PSD3: variants seen among roughly 807,000 people sequenced by gnomAD.
The protein encoded by PSD3 is pleckstrin and Sec7 domain containing 3.
PSD3 carries 49 observed loss-of-function variants against 105.5 expected under a neutral mutation model. That is an observed-to-expected ratio of 0.46 (90% confidence interval 0.37 to 0.59). The LOEUF (loss-of-function observed/expected upper bound fraction) is 0.59. Ranked by LOEUF, PSD3 falls within the 20% of genes least tolerant of loss-of-function variation. PSD3 has a pLI of 0.00. For missense variants in PSD3, 1,561 were observed against 1,263.8 expected (o/e 1.24, Z -3.57); for synonymous variants, 557 against 457.8 (o/e 1.22, Z -2.77).
chr8:18,770,796 T>C (rs1223560137), intron 8 of PSD3, among the ~76,000 whole-genome samples: 1 of 152,236 alleles, frequency 6.6e-6, no homozygotes, highest in Non-Finnish European at 1.5e-5. Context: ...ATGGCTGCCT[T>C]CTGCCAGCAA....
chr8:18,991,695 C>A (rs908375952), intron 1 of PSD3, among the ~76,000 whole-genome samples: 1 of 152,082 alleles, frequency 6.6e-6, no homozygotes. Context: ...AATGTCAGGA[C>A]CTTTAGACAA....
At chr8:18,800,401 G>A (rs376805254) in intron 7 of PSD3, among the ~76,000 whole-genome samples, 11 of 152,292 alleles carry the variant, frequency 7.2e-5, no homozygotes, top group African/African-American at 2.6e-4. Flanking sequence ...GGGAGGTTGA[G>A]GCAAGCACCT....
At chr8:18,708,235 A>T (rs1802018773) in intron 9 of PSD3, among the ~76,000 whole-genome samples, 1 of 152,194 alleles carries the variant, frequency 6.6e-6, no homozygotes, top group African/African-American at 2.4e-5. Context: ...TAAAGACAAC[A>T]GAAAAACCTT....
At chr8:18,575,476 G>C (rs938899938) in intron 12 of PSD3, among the ~76,000 whole-genome samples, 191 bp from the exon 13 acceptor site, 4 of 152,112 alleles carry the variant, frequency 2.6e-5, no homozygotes, top group Non-Finnish European at 5.9e-5. Flanking sequence ...AATTTGCTGA[G>C]AATGAGAAAA....
At chr8:18,824,919 A>C (rs77504810) in intron 4 of PSD3, among the ~76,000 whole-genome samples, 2 of 152,080 alleles carry the variant, frequency 1.3e-5, no homozygotes, top group South Asian at 2.1e-4. Flanking sequence ...CCCTCTTTCC[A>C]TAAGTCCCCC....
At chr8:18,984,024 A>AG (rs1323956763) in intron 1 of PSD3, among the ~76,000 whole-genome samples, 2 of 151,568 alleles carry the variant, frequency 1.3e-5, no homozygotes, top group African/African-American at 4.9e-5. Flanking sequence ...AAAAAAAAAA[A>AG]AAAAATCACT....
chr8:18,954,389 A>C (rs1823425703), intron 1 of PSD3, among the ~76,000 whole-genome samples: 1 of 152,146 alleles, frequency 6.6e-6, no homozygotes, highest in Non-Finnish European at 1.5e-5. Flanking sequence ...ATAAGAAAAA[A>C]AAAGAGTAGT....
intron 8 of PSD3, among the ~76,000 whole-genome samples, chr8:18,790,988 A>G (rs544997922): frequency 3.3e-5 from 5 of 152,344 alleles, no homozygotes; most frequent in Admixed American, 1.3e-4. Context: ...CCAACAAAAG[A>G]ATAACATACC....
At chr8:18,730,377 C>G (rs554264927) in intron 9 of PSD3, 2 of 152,142 alleles carry the variant, frequency 1.3e-5, no homozygotes, top group South Asian at 4.1e-4. Flanking sequence ...CATATACACC[C>G]CACGTTATAA....
rs183006185 is a variant in PSD3, at chr8:19,042,938, A to G, written c.324+41268T>C. 2.7e-3 allele frequency among the ~76,000 whole-genome samples: 408 copies of G among 152,366 alleles called. 7 individuals are homozygous for G. Among genetic ancestry groups the G allele is most frequent in the Admixed American group, 0.025 (381 of 15,300 alleles). Reference sequence around the variant, plus strand: ...TAAAATCAAAAAGATTAATTGTACCAGTGAGCTGGCCAACAATACGAATAG... The same window carrying G: ...TAAAATCAAAAAGATTAATTGTACCGGTGAGCTGGCCAACAATACGAATAG... On this transcript the variant is annotated intron_variant, in intron 1 of 1. Coordinates refer to the PSD3 transcript ENST00000521475.
chr8:18,692,730 G>C (rs1217418341), intron 9 of PSD3, among the ~76,000 whole-genome samples: 2 of 152,088 alleles, frequency 1.3e-5, no homozygotes, highest in Non-Finnish European at 2.9e-5. Context: ...TGCAAGAATT[G>C]TCACTTTGGG....
intron 4 of PSD3, among the ~76,000 whole-genome samples, chr8:18,823,213 T>C (rs1260983262): frequency 1.3e-5 from 2 of 152,130 alleles, no homozygotes; most frequent in Non-Finnish European, 1.5e-5. Context: ...CTTCGGAGTC[T>C]GCAGAAAATA....
chr8:18,816,139 C>A (rs903757160), intron 4 of PSD3, among the ~76,000 whole-genome samples: 4 of 152,204 alleles, frequency 2.6e-5, no homozygotes, highest in African/African-American at 9.6e-5. Flanking sequence ...CTTTAGTACC[C>A]AATATGAATG....
intron 9 of PSD3, among the ~76,000 whole-genome samples, chr8:18,703,290 T>C (rs956972736): frequency 1.3e-5 from 2 of 152,142 alleles, no homozygotes; most frequent in East Asian, 3.9e-4. Flanking sequence ...GGGACCAAGA[T>C]GCAAATGAGC....
intron 8 of PSD3, among the ~76,000 whole-genome samples, chr8:18,787,713 G>A (rs896886296): frequency 6.6e-6 from 1 of 152,090 alleles, no homozygotes; most frequent in Non-Finnish European, 1.5e-5. Context: ...ATGATAAAAA[G>A]ATGTTTTCTC....
chr8:18,537,519 ATACT>A (rs1428199965), intron 15 of PSD3, among the ~76,000 whole-genome samples: 2 of 152,202 alleles, frequency 1.3e-5, no homozygotes, highest in East Asian at 1.9e-4. Flanking sequence ...AAAACCAGAG[ATACT>A]TACTTTCCCA....
chr8:18,998,152 T>C (rs1395348676), intron 1 of PSD3, among the ~76,000 whole-genome samples: 1 of 151,952 alleles, frequency 6.6e-6, no homozygotes, highest in Non-Finnish European at 1.5e-5. Context: ...ATATGACCTA[T>C]TACAGTACGC....
intron 12 of PSD3, among the ~76,000 whole-genome samples, chr8:18,596,816 A>T (rs1331371190): frequency 1.3e-5 from 2 of 152,134 alleles, no homozygotes; most frequent in Non-Finnish European, 2.9e-5. Context: ...TAATAAGGGG[A>T]TTGAATCTGT....
chr8:18,806,718 C>A (rs927222965), intron 4 of PSD3, among the ~76,000 whole-genome samples: 2 of 152,156 alleles, frequency 1.3e-5, no homozygotes, highest in African/African-American at 2.4e-5. Flanking sequence ...TGAATTGGGC[C>A]CATGGATGGG....
Sources: gnomAD v4.1 joint callset for allele counts (sites outside exome capture counted in the v4.1 genomes callset) on GRCh38, gnomAD v4.1.1 for gene constraint, MANE v1.5 for transcripts, NCBI Gene and HGNC (gene_info 2026-07-23, HGNC 2026-07-21) for gene names.